ANO6: variants seen among roughly 807,000 people sequenced by gnomAD.
ANO6 encodes anoctamin-6.
Under a neutral mutation model 117.5 loss-of-function variants are expected in ANO6, and 106 were observed. The ratio of observed to expected loss-of-function variants is 0.90; its 90% CI spans 0.77 to 1.06. The LOEUF (loss-of-function observed/expected upper bound fraction) is 1.06, where lower values mean the gene tolerates loss of function less well. ANO6 is among the 50% of genes least tolerant of loss of function. The pLI is 0.00. For synonymous variants in ANO6, 367 were observed against 385.1 expected (o/e 0.95, Z 0.55); for missense variants, 955 against 1,121.1 (o/e 0.85, Z 2.12).
chr12:45,223,607 T>C (rs988403641), intron 1 of ANO6, among the ~76,000 whole-genome samples: 1 of 152,070 alleles, frequency 6.6e-6, no homozygotes, highest in Non-Finnish European at 1.5e-5. Context: ...TTAGCATTCA[T>C]CCTGTATTTT....
chr12:45,339,346 G>C (rs1314737479), intron 3 of ANO6, among the ~76,000 whole-genome samples: 3 of 152,046 alleles, frequency 2.0e-5, no homozygotes, highest in Admixed American at 1.3e-4. Flanking sequence ...CCTTTAAGCA[G>C]ATAAGTTTGG....
intron 1 of ANO6, among the ~76,000 whole-genome samples, chr12:45,292,095 C>T (rs1040931877): frequency 3.3e-5 from 5 of 152,072 alleles, no homozygotes; most frequent in Non-Finnish European, 7.4e-5. Context: ...GTAAATACAG[C>T]GTAGTATATC....
chr12:45,389,906 C>T (rs1415250101), intron 11 of ANO6, among the ~76,000 whole-genome samples: 1 of 152,136 alleles, frequency 6.6e-6, no homozygotes, highest in Non-Finnish European at 1.5e-5. Context: ...ACAGGTAAAT[C>T]ATGTAGAGGG....
intron 3 of ANO6, among the ~76,000 whole-genome samples, chr12:45,337,137 T>C (rs1940849697): frequency 6.6e-6 from 1 of 152,128 alleles, no homozygotes; most frequent in South Asian, 2.1e-4. Context: ...AGCAGTGTTA[T>C]AAAGTCTGCA....
intron 9 of ANO6, among the ~76,000 whole-genome samples, chr12:45,374,090 C>T (rs1941931485): frequency 6.7e-6 from 1 of 149,946 alleles, no homozygotes; most frequent in African/African-American, 2.4e-5. Flanking sequence ...TGCAAATAAA[C>T]TAGAAAATCT....
At chr12:45,312,430 T>A (rs946341092) in intron 2 of ANO6, among the ~76,000 whole-genome samples, 7 of 152,008 alleles carry the variant, frequency 4.6e-5, no homozygotes, top group African/African-American at 1.7e-4. Flanking sequence ...TTCACAAGAT[T>A]CCCAGAAAAT....
At chr12:45,405,872 A>C (rs1370043089) in intron 15 of ANO6, among the ~76,000 whole-genome samples, 4 of 152,054 alleles carry the variant, frequency 2.6e-5, no homozygotes, top group Non-Finnish European at 1.5e-5. Context: ...GCACCATTGC[A>C]CTCCAGCCTA....
intron 8 of ANO6, among the ~76,000 whole-genome samples, chr12:45,358,030 A>T (rs1941458610): frequency 6.6e-6 from 1 of 152,144 alleles, no homozygotes; most frequent in Non-Finnish European, 1.5e-5. Context: ...GTGCCAGAGC[A>T]CTCTAAATTT....
chr12:45,416,811 C>T lies in ANO6; in HGVS notation c.2124C>T (p.Thr708=). 1 of 1,614,120 alleles carries T rather than the reference C, an allele frequency of 6.2e-7. No individual in the cohort carries two copies. Residue 708 remains threonine (T), a synonymous_variant, in exon 17 of 20, where the codon ACC becomes ACT. Transcript: ENST00000320560. ...GAGTGGACGCATGGAAACTGACCAC[C>T]CAGTTTAGACGCCTGGTACCAGAGA... ...EIRVDAWKLT[T]QFRRLVPEKA...
At chr12:45,341,321 A>G (rs1003770952) in intron 3 of ANO6, among the ~76,000 whole-genome samples, 1 of 152,230 alleles carries the variant, frequency 6.6e-6, no homozygotes, top group African/African-American at 2.4e-5. Context: ...TCCTGAGGAA[A>G]CAATAATGGA....
chr12:45,306,096 G>T (rs1173614191), intron 2 of ANO6, among the ~76,000 whole-genome samples: 2 of 152,142 alleles, frequency 1.3e-5, no homozygotes, highest in Non-Finnish European at 2.9e-5. Flanking sequence ...CAAGCTGGAA[G>T]ATACTGCCAT....
intron 12 of ANO6, among the ~76,000 whole-genome samples, chr12:45,398,306 A>G (rs933597768): frequency 2.0e-5 from 3 of 152,212 alleles, no homozygotes; most frequent in African/African-American, 2.4e-5. Flanking sequence ...CCAAATCTCA[A>G]TAGTGATTAA....
intron 9 of ANO6, among the ~76,000 whole-genome samples, chr12:45,370,507 T>A (rs948009173): frequency 6.6e-6 from 1 of 151,996 alleles, no homozygotes; most frequent in East Asian, 1.9e-4. Context: ...CTTTTTGGAG[T>A]AGGTGGGCAG....
At chr12:45,273,953 C>T (rs1477469242) in intron 1 of ANO6, among the ~76,000 whole-genome samples, 4 of 152,196 alleles carry the variant, frequency 2.6e-5, no homozygotes. Context: ...TCTTGGAGCT[C>T]ATGCTTATCT....
At chr12:45,278,677 C>T (rs10459295) in intron 1 of ANO6, among the ~76,000 whole-genome samples, 8,136 of 152,092 alleles carry the variant, frequency 0.053, 528 homozygotes, top group East Asian at 0.35. Context: ...TTGTTTTAAG[C>T]GTCTTTTTCA....
At chr12:45,426,539 T>C (rs765720326) in intron 19 of ANO6, among the ~76,000 whole-genome samples, 16 of 152,102 alleles carry the variant, frequency 1.1e-4, no homozygotes, top group Admixed American at 6.6e-4. Context: ...CTTGCCAAAG[T>C]TAGCAGCAGC....
At chr12:45,413,946 A>AG (rs1232346213) in intron 16 of ANO6, among the ~76,000 whole-genome samples, 2 of 152,148 alleles carry the variant, frequency 1.3e-5, no homozygotes, top group Non-Finnish European at 2.9e-5. Context: ...ATTCCACAGC[A>AG]GGGGGACTGT....
chr12:45,348,613 A>C lies in ANO6; in HGVS notation c.729A>C (p.Ala243=). The change falls in exon 6 of 20, where the codon GCA becomes GCC. Residue 243 remains alanine, a synonymous_variant. Coordinates refer to ENST00000320560, the MANE Select transcript of ANO6 (RefSeq NM_001025356.3). ...NRLVNSGIYK[A]AFPLHDCKFR... ...TTGTAAACTCTGGGATCTACAAGGCAGCTTTCCCACTCCATGATGTAAGTT... is the reference window on the plus strand; with the variant it reads ...TTGTAAACTCTGGGATCTACAAGGCCGCTTTCCCACTCCATGATGTAAGTT... The C allele has an allele frequency of 1.2e-6, 2 of 1,613,800 alleles. No individual in the cohort carries two copies. Among genetic ancestry groups the C allele is most frequent in the South Asian group, 1.1e-5 (1 of 91,078 alleles).
At chr12:45,298,853 T>TAGAAAAA (rs906702243) in intron 1 of ANO6, among the ~76,000 whole-genome samples, 8 of 152,112 alleles carry the variant, frequency 5.3e-5, no homozygotes, top group Admixed American at 6.5e-5. Flanking sequence ...TCTTTTCATT[T>TAGAAAAA]AGAAAAAAGA....
Sources: allele counts gnomAD v4.1 joint callset (sites outside exome capture counted in the v4.1 genomes callset), GRCh38; gene constraint gnomAD v4.1.1; transcripts MANE v1.5; gene names NCBI Gene and HGNC (gene_info 2026-07-23, HGNC 2026-07-21).